NRXN3: variants seen among roughly 807,000 people sequenced by gnomAD.
The protein encoded by NRXN3 is neurexin 3.
A neutral mutation model predicts 137.6 loss-of-function variants in NRXN3; 32 were observed. The ratio of observed to expected loss-of-function variants is 0.23; its 90% confidence interval spans 0.18 to 0.31. The LOEUF (loss-of-function observed/expected upper bound fraction) is 0.31. NRXN3 is among the 10% of genes least tolerant of loss of function. The pLI, the probability that NRXN3 is intolerant of heterozygous loss-of-function variation, is 1.00. For missense variants in NRXN3, 1,574 were observed against 2,062.5 expected, an observed-to-expected ratio of 0.76 and a Z score of 4.59; for synonymous variants, 798 against 784.5, an observed-to-expected ratio of 1.02 and a Z score of -0.29.
chr14:78,294,889 C>T (rs2076166678), intron 3 of NRXN3, among the ~76,000 whole-genome samples: 1 of 152,106 alleles, frequency 6.6e-6, no homozygotes. Flanking sequence ...GGATGATGTC[C>T]CACACTTACT....
chr14:79,180,801 G>C (rs1006358684), intron 15 of NRXN3, among the ~76,000 whole-genome samples: 12 of 152,052 alleles, frequency 7.9e-5, no homozygotes, highest in Non-Finnish European at 1.5e-4. Flanking sequence ...TTCTATGCCA[G>C]TGCCTCATCT....
At chr14:79,570,959 A>G (rs912574566) in intron 16 of NRXN3, among the ~76,000 whole-genome samples, 1 of 152,168 alleles carries the variant, frequency 6.6e-6, no homozygotes, top group African/African-American at 2.4e-5. Flanking sequence ...CAGGGCCTTC[A>G]CTTTTGTGAC....
intron 6 of NRXN3, among the ~76,000 whole-genome samples, chr14:78,677,356 A>G (rs983716095): frequency 2.0e-5 from 3 of 152,156 alleles, no homozygotes; most frequent in Admixed American, 6.6e-5. Context: ...AGTTGATCAC[A>G]ACCCTCATGG....
At chr14:79,682,145 T>C (rs964804758) in intron 17 of NRXN3, among the ~76,000 whole-genome samples, 1 of 152,178 alleles carries the variant, frequency 6.6e-6, no homozygotes, top group Admixed American at 6.5e-5. Flanking sequence ...ATGTCTTATA[T>C]TTGTATAGGG....
intron 11 of NRXN3, among the ~76,000 whole-genome samples, chr14:78,957,686 C>T (rs959479943): frequency 6.6e-6 from 1 of 152,150 alleles, no homozygotes; most frequent in African/African-American, 2.4e-5. Flanking sequence ...AATCACATGT[C>T]AATCATCCTC....
At position 79,064,177 on chromosome 14, in the gene NRXN3, C is replaced by CA. The variant is rs1432626295; in HGVS notation, c.3262+76037dup. On this transcript the variant is annotated intron_variant, in intron 15 of 20. Transcript: ENST00000335750. Reference sequence around the variant, plus strand: ...TCTGTGAGCGGATTATTTGGTCAAACATGGAGACAATGGCACAGCCGTGAG... The same window carrying CA: ...TCTGTGAGCGGATTATTTGGTCAAACAATGGAGACAATGGCACAGCCGTGAG... Among the ~76,000 whole-genome samples the CA allele has an allele frequency of 3.3e-5, 5 of 152,240 alleles. 1 individual carries two copies. Among genetic ancestry groups the CA allele is most frequent in the African/African-American group, 1.2e-4 (5 of 41,548 alleles).
chr14:79,768,033 T>A (rs752961284), intron 19 of NRXN3, among the ~76,000 whole-genome samples: 6 of 152,176 alleles, frequency 3.9e-5, no homozygotes, highest in Non-Finnish European at 7.3e-5. Flanking sequence ...GAAAATTGGG[T>A]CACTCCCACC....
intron 4 of NRXN3, among the ~76,000 whole-genome samples, chr14:78,484,453 A>T (rs1488591776): frequency 6.6e-6 from 1 of 152,182 alleles, no homozygotes; most frequent in Non-Finnish European, 1.5e-5. Context: ...GCTCCTGGGC[A>T]GTTATCAGCT....
At chr14:78,794,396 CA>C (rs1289110631) in intron 8 of NRXN3, among the ~76,000 whole-genome samples, 4 of 152,044 alleles carry the variant, frequency 2.6e-5, no homozygotes, top group Non-Finnish European at 4.4e-5. Flanking sequence ...TTTCAAAAAA[CA>C]AAAAACAGAA....
At chr14:78,415,588 G>T (rs545815062) in intron 4 of NRXN3, among the ~76,000 whole-genome samples, 1 of 152,104 alleles carries the variant, frequency 6.6e-6, no homozygotes, top group South Asian at 2.1e-4. Flanking sequence ...GTCTAACCCA[G>T]ATTCTTACAT....
At chr14:78,701,135 A>T (rs756355829) in intron 6 of NRXN3, among the ~76,000 whole-genome samples, 18 of 152,204 alleles carry the variant, frequency 1.2e-4, no homozygotes, top group Non-Finnish European at 2.2e-4. Context: ...ATTTAAGTGG[A>T]ATAAAAGTCC....
At chr14:78,752,690 G>T (rs1164212023) in intron 8 of NRXN3, among the ~76,000 whole-genome samples, 1 of 152,184 alleles carries the variant, frequency 6.6e-6, no homozygotes, top group Non-Finnish European at 1.5e-5. Context: ...AGAAGAAGCA[G>T]TGTGGATAGA....
chr14:78,586,461 T>C (rs2152384808), intron 4 of NRXN3, among the ~76,000 whole-genome samples: 1 of 152,306 alleles, frequency 6.6e-6, no homozygotes, highest in South Asian at 2.1e-4. Context: ...AGGATTGGCA[T>C]AAAAATTAAA....
chr14:79,811,562 CTTTTCTTTTTTCTT>C (rs1291402482), intron 20 of NRXN3, among the ~76,000 whole-genome samples: 1 of 143,596 alleles, frequency 7.0e-6, no homozygotes, highest in Non-Finnish European at 1.5e-5. Context: ...ATTTCACTTT[CTTTTCTTTTTTCTT>C]TTTTCTTTTT....
chr14:79,853,417 G>A (rs1325478027), intron 20 of NRXN3: 1 of 245,942 alleles, frequency 4.1e-6, no homozygotes, highest in African/African-American at 2.3e-5. Context: ...GTAATTGCAT[G>A]TTGAAGAAGT....
chr14:78,376,130 AG>A (rs1231044405), intron 4 of NRXN3, among the ~76,000 whole-genome samples: 1 of 152,174 alleles, frequency 6.6e-6, no homozygotes, highest in African/African-American at 2.4e-5. Context: ...AGAGAATTAA[AG>A]TAGCAGGACT....
At chr14:79,485,068 T>C (rs1028262502) in intron 16 of NRXN3, among the ~76,000 whole-genome samples, 5 of 152,192 alleles carry the variant, frequency 3.3e-5, no homozygotes, top group Non-Finnish European at 7.3e-5. Flanking sequence ...TATATAATAT[T>C]ACAATATTGA....
chr14:79,061,817 C>T (rs367839090), intron 15 of NRXN3, among the ~76,000 whole-genome samples: 10 of 152,178 alleles, frequency 6.6e-5, no homozygotes, highest in Non-Finnish European at 1.3e-4. Context: ...CTCCCCATCC[C>T]GGCCCATCCC....
chr14:79,249,579 G>T (rs377232557), intron 15 of NRXN3, among the ~76,000 whole-genome samples: 1 of 152,170 alleles, frequency 6.6e-6, no homozygotes, highest in Non-Finnish European at 1.5e-5. Context: ...AGGCAACTCG[G>T]TTATCACTTT....
Sources: allele counts gnomAD v4.1 joint callset (sites outside exome capture counted in the v4.1 genomes callset), GRCh38; gene constraint gnomAD v4.1.1; transcripts MANE v1.5; gene names NCBI Gene and HGNC (gene_info 2026-07-23, HGNC 2026-07-21).